CDH4: variants seen among roughly 807,000 people sequenced by gnomAD.
CDH4 encodes the protein cadherin 4, also known as cadherin-4.
A neutral mutation model predicts 86.0 loss-of-function variants in CDH4; 33 were observed. The observed-to-expected ratio is 0.38, with a 90% CI of 0.29 to 0.51. The LOEUF (loss-of-function observed/expected upper bound fraction) is 0.51. CDH4 is among the 20% of genes least tolerant of loss of function. CDH4 has a pLI of 0.86. For synonymous variants in CDH4, 555 were observed against 549.4 expected (o/e 1.01, Z -0.14); for missense variants, 1,114 against 1,307.4 (o/e 0.85, Z 2.28).
chr20:61,556,402 C>G (rs549683098), intron 2 of CDH4, among the ~76,000 whole-genome samples: 8 of 152,222 alleles, frequency 5.3e-5, no homozygotes, highest in African/African-American at 1.9e-4. Flanking sequence ...CACAGTCCTC[C>G]AGGCAGAGGA....
chr20:61,654,538 A>G (rs1180198158), intron 2 of CDH4, among the ~76,000 whole-genome samples: 3 of 152,266 alleles, frequency 2.0e-5, no homozygotes, highest in Non-Finnish European at 4.4e-5. Flanking sequence ...TCTTCAAAAC[A>G]CAGTCATATG....
chr20:61,439,790 T>G (rs1032609271), intron 2 of CDH4, among the ~76,000 whole-genome samples: 3 of 152,238 alleles, frequency 2.0e-5, no homozygotes. Context: ...GAGGCGCCTC[T>G]TTGGAGACCA....
rs574652417 is a variant in CDH4, at chr20:61,769,913, G to C, written c.397-3090G>C. 3.9e-5 allele frequency among the ~76,000 whole-genome samples: 6 copies of C among 152,332 alleles called. No homozygotes were observed. In the East Asian group the frequency reaches 1.2e-3, roughly 29 times the overall value. ...CCCAAGGTAGAGACCAGCTCCCAGG[G>C]AGGTGCTATCTGTCTGGGGCTAGGT... On this transcript the variant is annotated intron_variant, in intron 3 of 15. Transcript: ENST00000614565.
rs146873339 is a variant in CDH4, at chr20:61,867,835, T to G, written c.878-5893T>G. ...ATGAGCAGTCCTTTCCACGGGGGAG[T>G]GGGTGCGTAAACTAAGGTGGCCCAC... On this transcript the variant is annotated intron_variant, in intron 6 of 15. Transcript: ENST00000614565. Among the ~76,000 whole-genome samples, 1,234 of 151,000 alleles carry G rather than the reference T, an allele frequency of 8.2e-3. 16 individuals carry two copies. Among genetic ancestry groups the G allele is most frequent in the African/African-American group, 0.027 (1,118 of 41,058 alleles).
intron 2 of CDH4, among the ~76,000 whole-genome samples, chr20:61,641,173 C>A (rs561929735): frequency 6.6e-6 from 1 of 152,314 alleles, no homozygotes; most frequent in South Asian, 2.1e-4. Context: ...AGAAGGCAGC[C>A]TGGCACAGGG....
intron 9 of CDH4, among the ~76,000 whole-genome samples, chr20:61,914,415 T>C (rs2054883647): frequency 6.6e-6 from 1 of 152,028 alleles, no homozygotes; most frequent in African/African-American, 2.4e-5. Flanking sequence ...TCTTTAAATA[T>C]TGAAGTCCTC....
rs139773577 is a variant in CDH4, at chr20:61,477,305, G to A, written c.169+222368G>A. 1.9e-4 allele frequency among the ~76,000 whole-genome samples: 29 copies of A among 151,638 alleles called. No individual in the cohort carries two copies. In the East Asian group the frequency reaches 2.7e-3, roughly 14 times the overall value. On this transcript the variant is annotated intron_variant, in intron 2 of 15. Coordinates refer to ENST00000614565, the MANE Select transcript of CDH4 (RefSeq NM_001794.5). ...AGAAGCTCCAGCCAGATTTCATTAC[G>A]ATGGTGGAGACATGGTCCGGGCCCC... is the stretch of plus-strand genomic sequence containing the variant.
At chr20:61,845,817 C>T (rs1056480673) in intron 5 of CDH4, among the ~76,000 whole-genome samples, 1 of 152,246 alleles carries the variant, frequency 6.6e-6, no homozygotes, top group African/African-American at 2.4e-5. Flanking sequence ...TCACCTTGCT[C>T]GGTTCCACCT....
intron 2 of CDH4, among the ~76,000 whole-genome samples, chr20:61,391,320 A>C (rs1600932876): frequency 6.6e-6 from 1 of 152,112 alleles, no homozygotes; most frequent in South Asian, 2.1e-4. Context: ...CTGGGTCCGG[A>C]CTTGCTAAAC....
At chr20:61,721,678 G>T (rs6089491) in intron 2 of CDH4, among the ~76,000 whole-genome samples, 46,595 of 152,104 alleles carry the variant, frequency 0.31, 8,928 homozygotes, top group South Asian at 0.44. Flanking sequence ...GGGCAGTGTT[G>T]TTGAGGGCTG....
At chr20:61,828,330 C>G (rs1447326188) in intron 4 of CDH4, among the ~76,000 whole-genome samples, 1 of 152,188 alleles carries the variant, frequency 6.6e-6, no homozygotes, top group East Asian at 1.9e-4. Context: ...TACACATGAT[C>G]CTGACCTGGC....
chr20:61,504,543 C>T (rs1454786820), intron 2 of CDH4, among the ~76,000 whole-genome samples: 1 of 152,152 alleles, frequency 6.6e-6, no homozygotes, highest in Non-Finnish European at 1.5e-5. Context: ...GCCCAAGATC[C>T]CACCGTAGGC....
intron 9 of CDH4, among the ~76,000 whole-genome samples, chr20:61,919,192 T>C (rs2054939974): frequency 6.6e-6 from 1 of 152,216 alleles, no homozygotes; most frequent in Non-Finnish European, 1.5e-5. Flanking sequence ...ATTTTTAAAT[T>C]TCTTCTTTTT....
intron 3 of CDH4, among the ~76,000 whole-genome samples, chr20:61,746,735 T>C (rs2145947950): frequency 6.6e-6 from 1 of 152,340 alleles, no homozygotes; most frequent in East Asian, 1.9e-4. Flanking sequence ...TGGTATTTCA[T>C]GAGGTTATGG....
intron 15 of CDH4, among the ~76,000 whole-genome samples, chr20:61,935,063 G>A (rs919076822): frequency 3.3e-5 from 5 of 152,182 alleles, no homozygotes; most frequent in Non-Finnish European, 5.9e-5. Context: ...AGCGTCCTCC[G>A]GGCAGTGACT....
chr20:61,892,351 C>T (rs1984861172), intron 7 of CDH4, among the ~76,000 whole-genome samples: 1 of 152,218 alleles, frequency 6.6e-6, no homozygotes. Context: ...GTTGGGCCCA[C>T]GTTTGACCCT....
chr20:61,779,422 G>T (rs548328151), intron 4 of CDH4, among the ~76,000 whole-genome samples: 1 of 152,220 alleles, frequency 6.6e-6, no homozygotes, highest in Non-Finnish European at 1.5e-5. Context: ...CGGAGCCTGC[G>T]AGGTGCTTAG....
chr20:61,536,126 C>T (rs895627826), intron 2 of CDH4, among the ~76,000 whole-genome samples: 2 of 152,200 alleles, frequency 1.3e-5, no homozygotes, highest in African/African-American at 4.8e-5. Context: ...GCACAGAACC[C>T]GGCCAGGCCA....
chr20:61,841,571 A>G (rs1264280094), intron 4 of CDH4, among the ~76,000 whole-genome samples: 2 of 152,172 alleles, frequency 1.3e-5, no homozygotes, highest in East Asian at 3.9e-4. Flanking sequence ...TTTCCCATGG[A>G]CCGCTGAGGG....
Sources: allele counts gnomAD v4.1 joint callset (sites outside exome capture counted in the v4.1 genomes callset), GRCh38; gene constraint gnomAD v4.1.1; transcripts MANE v1.5; gene names NCBI Gene and HGNC (gene_info 2026-07-23, HGNC 2026-07-21).